Variants in GSE1 observed in about 807,000 individuals in gnomAD.
GSE1 encodes Gse1 coiled-coil protein, also known as genetic suppressor element 1.
Under a neutral mutation model 112.6 loss-of-function variants are expected in GSE1, and 32 were observed. The observed-to-expected ratio is 0.28, with a 90% CI of 0.21 to 0.38. The LOEUF (loss-of-function observed/expected upper bound fraction) is 0.38. GSE1 is among the 10% of genes least tolerant of loss of function. The probability of loss-of-function intolerance (pLI) is 1.00; values close to 1 mark genes in which losing one functional copy is unlikely to be tolerated. For missense variants in GSE1, 2,348 were observed against 1,699.2 expected (o/e 1.38, Z -6.71); for synonymous variants, 1,115 against 735.6 (o/e 1.52, Z -8.35).
Position 85,654,387 on chromosome 16 carries a change from C to G in GSE1, c.536C>G (p.Thr179Ser). Residue 179 changes from threonine to serine, a missense_variant, in exon 4 of 16, where the codon ACC becomes AGC. By Grantham distance (58) the Thr-to-Ser change is moderately conservative. Coordinates refer to ENST00000253458, the MANE Select transcript of GSE1 (RefSeq NM_014615.5). ...GPAIPSHLLS[T>S]PYPFGLSPSS... The stretch of plus-strand genomic sequence containing the variant: ...GCCATCCCCTCGCACCTGCTCAGCA[C>G]CCCCTACCCCTTCGGCCTCTCCCCC... 1.9e-6 allele frequency: 3 copies of G among 1,609,078 alleles called. No homozygotes were observed. The South Asian group carries it at 3.3e-5, about 18-fold the overall frequency.
In GSE1 at chr16:85,590,385, G is replaced by C. The variant is rs569293933; in HGVS notation, c.37+34022G>C. 1.9e-4 allele frequency among the ~76,000 whole-genome samples: 28 copies of C among 144,388 alleles called. 1 individual carries two copies. The South Asian group carries it at 4.0e-3, about 20-fold the overall frequency. 94.7% of individuals were successfully genotyped at this position (144,388 alleles called of 152,430 possible). On this transcript the variant is annotated intron_variant, in intron 1 of 2. Transcript: ENST00000635906. ...AATGAGTGTGAGTGTGTGAGATTGT[G>C]TGAACATGTGTGACATTGTGTGTGT...
rs902798627 is a variant in GSE1, at chr16:85,408,125, G to C, written c.2464+50482G>C. ...TGGATAATCCTCACTGTTACTCTCA[G>C]GCCCCCTGGATAATCCTCACTGTTA... is the stretch of plus-strand genomic sequence containing the variant. On this transcript the variant is annotated intron_variant, in intron 2 of 2. Transcript: ENST00000637419. Among the ~76,000 whole-genome samples the C allele has an allele frequency of 3.8e-4, 17 of 44,290 alleles. 3 individuals are homozygous for C. Among genetic ancestry groups the C allele is most frequent in the Admixed American group, 1.8e-3 (10 of 5,604 alleles). 29.1% of individuals were successfully genotyped at this position (44,290 alleles called of 152,430 possible).
At chr16:85,359,379 C>T (rs960495669) in intron 2 of GSE1, 52 of 455,916 alleles carry the variant, frequency 1.1e-4, no homozygotes, top group Non-Finnish European at 2.0e-4. Context: ...CCAGAGTCCT[C>T]CGGAGCAGAA....
intron 1 of GSE1, among the ~76,000 whole-genome samples, chr16:85,247,381 G>C (rs1905973641): frequency 6.6e-6 from 1 of 152,216 alleles, no homozygotes; most frequent in Non-Finnish European, 1.5e-5. Context: ...GAGATCCTCA[G>C]AGCTCAGTGG....
chr16:85,636,590 G>A (rs543365236), intron 2 of GSE1, among the ~76,000 whole-genome samples: 64 of 152,278 alleles, frequency 4.2e-4, no homozygotes, highest in Admixed American at 3.5e-3. Flanking sequence ...CGGGACCCTC[G>A]GGCAGCTGAG....
At chr16:85,479,686 A>G (rs2050612163) in intron 2 of GSE1, among the ~76,000 whole-genome samples, 1 of 152,126 alleles carries the variant, frequency 6.6e-6, no homozygotes, top group Non-Finnish European at 1.5e-5. Context: ...TCTGTGCAGG[A>G]AACCTCCTGT....
intron 2 of GSE1, among the ~76,000 whole-genome samples, chr16:85,499,781 C>T (rs181556289): frequency 3.9e-5 from 6 of 152,252 alleles, no homozygotes; most frequent in South Asian, 2.1e-4. Flanking sequence ...CATTTTATAC[C>T]TGCTAGGTCA....
chr16:85,603,495 G>T (rs2047556607), intron 1 of GSE1, among the ~76,000 whole-genome samples: 4 of 152,160 alleles, frequency 2.6e-5, no homozygotes, highest in African/African-American at 9.7e-5. Context: ...GAGGCCTTCA[G>T]ATTGGATTTT....
At chr16:85,194,471 T>C (rs772401593) in intron 1 of GSE1, among the ~76,000 whole-genome samples, 2 of 151,962 alleles carry the variant, frequency 1.3e-5, no homozygotes, top group Non-Finnish European at 2.9e-5. Flanking sequence ...ACAATCAGGA[T>C]TCAGACTGGT....
At chr16:85,567,317 C>T (rs957703474) in intron 1 of GSE1, among the ~76,000 whole-genome samples, 4 of 152,156 alleles carry the variant, frequency 2.6e-5, no homozygotes, top group African/African-American at 4.8e-5. Flanking sequence ...AGCTGCTGTG[C>T]GTTGGAAATT....
intron 1 of GSE1, among the ~76,000 whole-genome samples, chr16:85,586,490 G>A (rs964118704): frequency 2.0e-5 from 3 of 152,144 alleles, no homozygotes; most frequent in African/African-American, 7.2e-5. Flanking sequence ...TCATCGGTCG[G>A]CCCTGGTATG....
intron 2 of GSE1, among the ~76,000 whole-genome samples, chr16:85,403,944 C>G (rs2048180109): frequency 2.0e-5 from 3 of 152,196 alleles, no homozygotes; most frequent in Admixed American, 2.0e-4. Context: ...TCTGGGGACT[C>G]TGGCTTCCAG....
chr16:85,670,858 T>G, intron 14 of GSE1, 137 bp from the exon 15 acceptor site: 1 of 624,016 alleles, frequency 1.6e-6, no homozygotes, highest in Non-Finnish European at 2.9e-6. Context: ...AGCATTGTGG[T>G]CCACAGGAGA....
chr16:85,253,577 C>G (rs1350532365), intron 1 of GSE1, among the ~76,000 whole-genome samples: 1 of 152,220 alleles, frequency 6.6e-6, no homozygotes, highest in South Asian at 2.1e-4. Context: ...CCAGGGCTCA[C>G]TGTGCCAGGG....
At chr16:85,288,383 G>C (rs1003649966) in intron 1 of GSE1, among the ~76,000 whole-genome samples, 1 of 152,230 alleles carries the variant, frequency 6.6e-6, no homozygotes, top group African/African-American at 2.4e-5. Context: ...CAGCCAACCT[G>C]GGCAGATGGG....
At chr16:85,655,694 T>C (rs1482562133) in intron 5 of GSE1, 32 bp from the exon 6 acceptor site, 2 of 1,499,858 alleles carry the variant, frequency 1.3e-6, no homozygotes, top group Non-Finnish European at 9.1e-7. Flanking sequence ...CTTGGTTCAT[T>C]TGCTGCTCAC....
chr16:85,661,814 G>C (rs1567750278), intron 9 of GSE1, 49 bp downstream of exon 9: 1 of 1,437,058 alleles, frequency 7.0e-7, no homozygotes, highest in African/African-American at 1.4e-5. Flanking sequence ...CCGCACAGTG[G>C]GGATGGGGAG....
At chr16:85,332,741 C>T (rs1277769092) in intron 1 of GSE1, among the ~76,000 whole-genome samples, 2 of 152,170 alleles carry the variant, frequency 1.3e-5, no homozygotes, top group Non-Finnish European at 2.9e-5. Flanking sequence ...CCAGTTCGGC[C>T]TCTTCCTGTC....
intron 1 of GSE1, among the ~76,000 whole-genome samples, chr16:85,298,028 C>T (rs776593193): frequency 2.0e-5 from 3 of 152,194 alleles, no homozygotes; most frequent in Non-Finnish European, 2.9e-5. Flanking sequence ...TGGAACAGAT[C>T]ACTGAGGGAA....
Sources: allele counts gnomAD v4.1 joint callset (sites outside exome capture counted in the v4.1 genomes callset), GRCh38; gene constraint gnomAD v4.1.1; transcripts MANE v1.5; gene names NCBI Gene and HGNC (gene_info 2026-07-23, HGNC 2026-07-21).